FAAH: variants seen among roughly 807,000 people sequenced by gnomAD.
FAAH encodes the protein fatty acid amide hydrolase.
FAAH carries 63 observed loss-of-function variants against 69.7 expected under a neutral mutation model. The observed-to-expected ratio is 0.90, with a 90% CI of 0.74 to 1.12. FAAH has a LOEUF of 1.12. Ranked by LOEUF, FAAH falls within the 50% of genes most tolerant of loss-of-function variation. The pLI is 0.00. For missense variants in FAAH, 680 were observed against 755.0 expected, an observed-to-expected ratio of 0.90 and a Z score of 1.16; for synonymous variants, 305 against 324.2, an observed-to-expected ratio of 0.94 and a Z score of 0.64.
chr1:46,409,429 G>A (rs1664860896), intron 9 of FAAH: 1 of 507,436 alleles, frequency 2.0e-6, no homozygotes, highest in East Asian at 4.2e-5. Context: ...GCCTACCCCT[G>A]ATCTGAGCTT....
In FAAH at chr1:46,411,962, C is replaced by T. The variant is rs903638529; in HGVS notation, c.1357-181C>T. The stretch of plus-strand genomic sequence containing the variant: ...TCCACAATTCATTCTGGAGGCAGAA[C>T]GACTGATGCCCTCTGAGAGGCAGCA... On this transcript the variant is annotated intron_variant, in intron 12 of 14. Coordinates refer to ENST00000243167, the MANE Select transcript of FAAH (RefSeq NM_001441.3). The surrounding 1 kb of genome is among the most constrained non-coding windows in gnomAD (Gnocchi z 4.8). Among the ~76,000 whole-genome samples the T allele has an allele frequency of 2.0e-5, 3 of 152,254 alleles. No individual in the cohort carries two copies. Among genetic ancestry groups the T allele is most frequent in the Non-Finnish European group, 2.9e-5 (2 of 68,038 alleles).
rs1664959636 is a variant in FAAH, at chr1:46,413,740, C to A, written c.*165C>A. 2 of 928,110 alleles carry A rather than the reference C, an allele frequency of 2.2e-6. No homozygotes were observed. The highest frequency in any genetic ancestry group is 3.3e-5 in the African/African-American group (2 of 61,328). 57.5% of individuals were successfully genotyped at this position (928,110 alleles called of 1,614,324 possible). On this transcript the variant is annotated 3_prime_UTR_variant, in exon 15 of 15. Coordinates refer to ENST00000243167, the MANE Select transcript of FAAH (RefSeq NM_001441.3). Reference sequence around the variant, plus strand: ...GAAGCGCCGACTCCCTGAGTCTGGACCTCCATCCCTGCTCTGGTCCCCTCT... The same window carrying A: ...GAAGCGCCGACTCCCTGAGTCTGGAACTCCATCCCTGCTCTGGTCCCCTCT...
rs1320462790 is a variant in FAAH at position 46,413,449 on chromosome 1, C to T, written c.1614C>T (p.Gly538=). The change falls in exon 15 of 15, where the codon GGC becomes GGT. Residue 538 remains glycine, a splice_region_variant and synonymous_variant. Coordinates refer to ENST00000243167, the MANE Select transcript of FAAH (RefSeq NM_001441.3). ...CCTGATGCCTGTATCCCCTATAGGG[C>T]ATGAAGAAGAGTGTGGGGCTGCCGG... ...GDIWDKMLQK[G]MKKSVGLPVA... is the part of the protein sequence containing the mutation. 3.7e-6 allele frequency: 6 copies of T among 1,614,004 alleles called. No individual in the cohort carries two copies. In the African/African-American group the frequency reaches 8.0e-5, roughly 22 times the overall value.
At position 46,410,748 on chromosome 1, in the gene FAAH, C is replaced by G. The variant is rs1296110834; in HGVS notation, c.1276-66C>G. On this transcript the variant is annotated intron_variant, in intron 10 of 14. Transcript: ENST00000243167. The surrounding 1 kb of genome is among the most constrained non-coding windows in gnomAD (Gnocchi z 4.9). Reference sequence around the variant, plus strand: ...AGGGAGGGGTCCCCAGTGGCTTGGCCTGAAGAAGGTTGACGTCTGCCGTGG... The same window carrying G: ...AGGGAGGGGTCCCCAGTGGCTTGGCGTGAAGAAGGTTGACGTCTGCCGTGG... 1.9e-6 allele frequency: 3 copies of G among 1,605,410 alleles called. No homozygotes were observed. The highest frequency in any genetic ancestry group is 2.6e-6 in the Non-Finnish European group (3 of 1,172,180).
rs1331569663 is a variant in FAAH at position 46,404,009 on chromosome 1, C to T, written c.310-1005C>T. ...CATGATTTCTTGAAAGGGTGTGGGACAGTGAGTGTGACCCCTAGGCAGGTG... is the reference window on the plus strand; with the variant it reads ...CATGATTTCTTGAAAGGGTGTGGGATAGTGAGTGTGACCCCTAGGCAGGTG... On this transcript the variant is annotated intron_variant, in intron 2 of 14. Transcript: ENST00000243167. The surrounding 1 kb of genome is among the most constrained non-coding windows in gnomAD (Gnocchi z 4.5). 6.6e-6 allele frequency among the ~76,000 whole-genome samples: 1 copy of T among 152,196 alleles called. No individual in the cohort carries two copies. Among genetic ancestry groups the T allele is most frequent in the African/African-American group, 2.4e-5 (1 of 41,448 alleles).
chr1:46,412,973 G>T, intron 13 of FAAH, 102 bp from the exon 14 acceptor site: 1 of 1,404,796 alleles, frequency 7.1e-7, no homozygotes, highest in Non-Finnish European at 9.9e-7. Flanking sequence ...CCTTTCTCTG[G>T]CTGTAGACAC....
At chr1:46,406,154 GTGGCAGGGCAGTGTC>G (rs1349091099) in intron 6 of FAAH, 75 bp from the exon 7 acceptor site, 3 of 1,613,642 alleles carry the variant, frequency 1.9e-6, no homozygotes, top group Non-Finnish European at 2.5e-6. Flanking sequence ...TGCTTCTCAG[GTGGCAGGGCAGTGTC>G]TGGCCCCCAG....
Position 46,410,543 on chromosome 1 carries a change from C to G in FAAH, c.1275+46C>G. The G allele has an allele frequency of 6.5e-7, 1 of 1,543,144 alleles. No homozygotes were observed. The highest frequency in any genetic ancestry group is 9.0e-7 in the Non-Finnish European group (1 of 1,117,234). Reference sequence around the variant, plus strand: ...GGGGCTAGGATGGCTGGGGGGGAACCTAGGGCCTCCTATCGCATGATCCCC... The same window carrying G: ...GGGGCTAGGATGGCTGGGGGGGAACGTAGGGCCTCCTATCGCATGATCCCC... On this transcript the variant is annotated intron_variant, in intron 10 of 14. Transcript: ENST00000243167. This position sits in a 1 kb window ranked among gnomAD's most constrained non-coding sequence, Gnocchi z 4.9.
chr1:46,399,222 G>A (rs776457125), intron 1 of FAAH, among the ~76,000 whole-genome samples: 4 of 152,168 alleles, frequency 2.6e-5, no homozygotes, highest in Non-Finnish European at 5.9e-5. Flanking sequence ...GATGGAGGAG[G>A]GGCAATGCCT....
At chr1:46,408,192 T>C (rs1184484496) in intron 7 of FAAH, among the ~76,000 whole-genome samples, 2 of 152,174 alleles carry the variant, frequency 1.3e-5, no homozygotes, top group Non-Finnish European at 2.9e-5. Flanking sequence ...TGGGTAGCTT[T>C]GGGCAAGTCC....
rs1343198051 is a variant in FAAH, at chr1:46,408,511, A to G, written c.1004A>G (p.Tyr335Cys). 3 of 1,614,144 alleles carry G rather than the reference A, an allele frequency of 1.9e-6. No homozygotes were observed. The highest frequency in any genetic ancestry group is 1.6e-4 in the Middle Eastern group (1 of 6,062). Residue 335 changes from tyrosine to cysteine, a missense_variant, in exon 8 of 15, where the codon TAT becomes TGT. Tyr to Cys is a radical substitution (Grantham distance 194). Coordinates refer to ENST00000243167, the MANE Select transcript of FAAH (RefSeq NM_001441.3). ...LRVGYYETDN[Y>C]TMPSPAMRRA... ...GTGGGGTACTATGAGACTGACAACT[A>G]TACCATGCCCTCCCCGGCCATGAGG...
Position 46,405,002 on chromosome 1 carries a change from C to A in FAAH, c.310-12C>A, listed in dbSNP as rs199579963. On this transcript the variant is annotated splice_polypyrimidine_tract_variant and intron_variant, in intron 2 of 14. Coordinates refer to ENST00000243167, the MANE Select transcript of FAAH (RefSeq NM_001441.3). The surrounding 1 kb of genome is among the most constrained non-coding windows in gnomAD (Gnocchi z 4.1). Reference sequence around the variant, plus strand: ...GCCTCCTTTTATCTTATGTCTACTTCCCCTTCCTCAGGCCTGGGAAGTGAA... The same window carrying A: ...GCCTCCTTTTATCTTATGTCTACTTACCCTTCCTCAGGCCTGGGAAGTGAA... The A allele has an allele frequency of 1.9e-6, 3 of 1,613,908 alleles. No homozygotes were observed. Among genetic ancestry groups the A allele is most frequent in the Non-Finnish European group, 2.5e-6 (3 of 1,180,040 alleles).
Position 46,413,609 on chromosome 1 carries a change from T to A in FAAH, c.*34T>A, listed in dbSNP as rs748179049. On this transcript the variant is annotated 3_prime_UTR_variant, in exon 15 of 15. Coordinates refer to ENST00000243167, the MANE Select transcript of FAAH (RefSeq NM_001441.3). The stretch of plus-strand genomic sequence containing the variant: ...GCTCCAGAGGACCTGAGACTCACAC[T>A]CTCTGCAGCCCAGCCTAGTCAGGGC... The A allele has an allele frequency of 6.2e-7, 1 of 1,613,624 alleles. No homozygotes were observed. The highest frequency in any genetic ancestry group is 8.5e-7 in the Non-Finnish European group (1 of 1,179,838).
At chr1:46,396,714 G>T (rs565915437) in intron 1 of FAAH, among the ~76,000 whole-genome samples, 1 of 152,242 alleles carries the variant, frequency 6.6e-6, no homozygotes, top group East Asian at 1.9e-4. Flanking sequence ...ATAGGGTTGG[G>T]GCTAGGTTTA....
chr1:46,403,296 A>G (rs547687568), intron 2 of FAAH, among the ~76,000 whole-genome samples: 1 of 150,998 alleles, frequency 6.6e-6, no homozygotes, highest in Admixed American at 6.6e-5. Flanking sequence ...ATGCTTGGCT[A>G]ATTTTTGTAT....
intron 1 of FAAH, among the ~76,000 whole-genome samples, chr1:46,399,677 A>AT (rs930651490): frequency 3.3e-5 from 5 of 152,200 alleles, no homozygotes; most frequent in African/African-American, 4.8e-5. Context: ...ACTCTTAGGC[A>AT]TTTTTTAAAA....
chr1:46,394,341 A>C lies in FAAH; in HGVS notation c.-8A>C. ...TGTCGCGGTAGGCAGCAGCAGGCTG[A>C]AGGGATCATGGTGCAGTACGAGCTG... On this transcript the variant is annotated 5_prime_UTR_variant, in exon 1 of 15. Transcript: ENST00000243167. 6.4e-7 allele frequency: 1 copy of C among 1,559,252 alleles called. No individual in the cohort carries two copies. Among genetic ancestry groups the C allele is most frequent in the Non-Finnish European group, 8.6e-7 (1 of 1,157,012 alleles).
At position 46,411,223 on chromosome 1, in the gene FAAH, A is replaced by G. The variant is rs547550509; in HGVS notation, c.1316+369A>G. Among the ~76,000 whole-genome samples the G allele has an allele frequency of 3.9e-5, 6 of 152,294 alleles. No individual in the cohort carries two copies. The highest frequency in any genetic ancestry group is 1.4e-4 in the African/African-American group (6 of 41,564). On this transcript the variant is annotated intron_variant, in intron 11 of 14. Coordinates refer to ENST00000243167, the MANE Select transcript of FAAH (RefSeq NM_001441.3). The surrounding 1 kb of genome is among the most constrained non-coding windows in gnomAD (Gnocchi z 4.8). ...GCTGACCTGAGCTGCGCCAGGCCCT[A>G]CTTGCCCCTTAGTGGCTGGGGCTGG...
chr1:46,405,384 A>C lies in FAAH; in HGVS notation c.457A>C (p.Thr153Pro). 4 of 1,611,398 alleles carry C rather than the reference A, an allele frequency of 2.5e-6. No individual in the cohort carries two copies. Among genetic ancestry groups the C allele is most frequent in the Non-Finnish European group, 3.4e-6 (4 of 1,179,986 alleles). ...TCCCTCCTCCCAGGGCCAGGACTCC[A>C]CGCTGGGCTTGAGCCTGAATGAAGG... ...ECFTYKGQDS[T>P]LGLSLNEGVP... The change falls in exon 4 of 15, where the codon ACG (threonine) becomes CCG (proline). Residue 153 changes from threonine (T) to proline (P), a missense_variant. Coordinates refer to ENST00000243167, the MANE Select transcript of FAAH (RefSeq NM_001441.3). This position sits in a 1 kb window ranked among gnomAD's most constrained non-coding sequence, Gnocchi z 4.1.
Sources: allele counts gnomAD v4.1 joint callset (sites outside exome capture counted in the v4.1 genomes callset), GRCh38; gene constraint gnomAD v4.1.1; non-coding constraint Gnocchi (gnomAD v3.1); transcripts MANE v1.5; gene names NCBI Gene and HGNC (gene_info 2026-07-23, HGNC 2026-07-21).